ATP6V0D2: variants seen among roughly 807,000 people sequenced by gnomAD.
ATP6V0D2 encodes V-type proton ATPase subunit d 2.
A neutral mutation model predicts 40.0 loss-of-function variants in ATP6V0D2; 40 were observed. The observed-to-expected ratio is 1.00, with a 90% CI of 0.78 to 1.30. The LOEUF is 1.30. ATP6V0D2 is among the 50% of genes most tolerant of loss of function. The probability of loss-of-function intolerance (pLI) is 0.00; values close to 1 mark genes in which losing one functional copy is unlikely to be tolerated. For synonymous variants in ATP6V0D2, 179 were observed against 156.3 expected (o/e 1.15, Z -1.08); for missense variants, 470 against 423.1 (o/e 1.11, Z -0.97).
At position 86,118,030 on chromosome 8, in the gene ATP6V0D2, T is replaced by G. The variant is rs199699224; in HGVS notation, c.302+4150T>G. 3.6e-5 allele frequency among the ~76,000 whole-genome samples: 5 copies of G among 137,954 alleles called. No homozygotes were observed. The East Asian group carries it at 1.3e-3, about 35-fold the overall frequency. The allele number at this position is 137,954 out of a possible 152,430, so 90.5% of individuals were successfully genotyped here. ...TCTTTCTTTCTTTCTTTCTTTCTTT[T>G]TTTTTCTTTCTTTCTTCTTTCTTTT... On this transcript the variant is annotated intron_variant, in intron 2 of 7. Coordinates refer to ENST00000285393, the MANE Select transcript of ATP6V0D2 (RefSeq NM_152565.1).
Position 86,151,511 on chromosome 8 carries a change from A to G in ATP6V0D2, c.862A>G (p.Thr288Ala), listed in dbSNP as rs778632401. 2.5e-6 allele frequency: 4 copies of G among 1,608,574 alleles called. No individual in the cohort carries two copies. The Admixed American group carries it at 5.1e-5, about 20-fold the overall frequency. Residue 288 changes from threonine (T) to alanine (A), a missense_variant, in exon 7 of 8, where the codon ACA (threonine) becomes GCA (alanine). By Grantham distance (58) the Thr-to-Ala change is moderately conservative. Coordinates refer to ENST00000285393, the MANE Select transcript of ATP6V0D2 (RefSeq NM_152565.1). ...AGCTGTAGGTGGCAGTGGGGGAAAG[A>G]CATTGGAGGACGTGTTTTACGAGCG... ...FEAVGGSGGKTLEDVFYEREV... is the reference protein window; with the variant it reads ...FEAVGGSGGKALEDVFYEREV...
intron 1 of ATP6V0D2, among the ~76,000 whole-genome samples, chr8:86,110,136 C>T (rs1330441044): frequency 6.6e-6 from 1 of 152,022 alleles, no homozygotes; most frequent in Non-Finnish European, 1.5e-5. Context: ...ATTCCTTTGC[C>T]CAGGCTGGGG....
chr8:86,151,357 G>A, intron 6 of ATP6V0D2, 109 bp from the exon 7 acceptor site: 1 of 793,026 alleles, frequency 1.3e-6, no homozygotes. Flanking sequence ...AGTCCTCCTG[G>A]TATTTTTTTT....
chr8:86,150,384 G>T, intron 6 of ATP6V0D2, 96 bp downstream of exon 6: 1 of 1,216,324 alleles, frequency 8.2e-7, no homozygotes. Context: ...ATACTCAAAA[G>T]AAGTAATAAT....
At chr8:86,143,022 T>G in intron 5 of ATP6V0D2, 68 bp downstream of exon 5, 3 of 1,120,200 alleles carry the variant, frequency 2.7e-6, no homozygotes, top group Non-Finnish European at 3.9e-6. Context: ...GTTTTAACCT[T>G]ACTTATATTT....
chr8:86,103,386 C>T (rs1006229013), intron 1 of ATP6V0D2, among the ~76,000 whole-genome samples: 1 of 151,816 alleles, frequency 6.6e-6, no homozygotes, highest in African/African-American at 2.4e-5. Flanking sequence ...CTGCCTTGGC[C>T]TCCTAAAGTG....
At chr8:86,126,263 T>TATATATATATATATAG (rs1818744165) in intron 2 of ATP6V0D2, among the ~76,000 whole-genome samples, 1 of 138,466 alleles carries the variant, frequency 7.2e-6, no homozygotes. Context: ...TATATATATA[T>TATATATATATATATAG]CTTTTTGTAT....
Position 86,151,483 on chromosome 8 carries a change from T to C in ATP6V0D2, c.834T>C (p.Phe278=). The stretch of plus-strand genomic sequence containing the variant: ...TTTTTAAGGTATACAAACCTTTATT[T>C]GAAGCTGTAGGTGGCAGTGGGGGAA... ...ADHYGVYKPL[F]EAVGGSGGKT... Residue 278 remains phenylalanine (F), a synonymous_variant, in exon 7 of 8, where the codon TTT becomes TTC. Coordinates refer to ENST00000285393, the MANE Select transcript of ATP6V0D2 (RefSeq NM_152565.1). 1 of 1,605,684 alleles carries C rather than the reference T, an allele frequency of 6.2e-7. No individual in the cohort carries two copies. Among genetic ancestry groups the C allele is most frequent in the Non-Finnish European group, 8.5e-7 (1 of 1,176,388 alleles).
rs983480008 is a variant in ATP6V0D2 at position 86,134,407 on chromosome 8, G to A, written c.303-5050G>A. Among the ~76,000 whole-genome samples the A allele has an allele frequency of 5.3e-5, 8 of 152,184 alleles. No individual in the cohort carries two copies. In the East Asian group the frequency reaches 1.4e-3, roughly 26 times the overall value. ...GACAACAGAAAGGAGAAAAATATGG[G>A]TAAATACAATATACCCTTTCTCCTC... On this transcript the variant is annotated intron_variant, in intron 2 of 7. Coordinates refer to ENST00000285393, the MANE Select transcript of ATP6V0D2 (RefSeq NM_152565.1).
intron 2 of ATP6V0D2, among the ~76,000 whole-genome samples, chr8:86,123,949 A>G (rs192606381): frequency 1.9e-4 from 29 of 152,238 alleles, no homozygotes; most frequent in Admixed American, 1.4e-3. Flanking sequence ...ATGAACATAG[A>G]TATGTTGAGT....
intron 1 of ATP6V0D2, 71 bp downstream of exon 1, chr8:86,099,179 T>C (rs1818360293): frequency 3.4e-6 from 5 of 1,459,382 alleles, no homozygotes; most frequent in Non-Finnish European, 3.6e-6. Context: ...TCCAGAAGCA[T>C]GGAGAAAAAA....
chr8:86,125,568 A>G (rs1346259512), intron 2 of ATP6V0D2, among the ~76,000 whole-genome samples: 3 of 152,202 alleles, frequency 2.0e-5, no homozygotes, highest in Admixed American at 2.0e-4. Flanking sequence ...AGATTTTCAC[A>G]GCAACCCTAT....
chr8:86,119,479 T>G (rs1397879646), intron 2 of ATP6V0D2, among the ~76,000 whole-genome samples: 5 of 152,078 alleles, frequency 3.3e-5, no homozygotes, highest in Admixed American at 1.3e-4. Flanking sequence ...TCTACCCACC[T>G]CGGTCTCCCA....
Position 86,153,228 on chromosome 8 carries a change from T to A in ATP6V0D2, c.*251T>A, listed in dbSNP as rs1819182178. ...CTGGGCCTTACAGGTTAGTTTTAAT[T>A]AACTCTATGGTATTTTTCTTATTCT... On this transcript the variant is annotated 3_prime_UTR_variant, in exon 8 of 8. Transcript: ENST00000285393. 1 of 268,154 alleles carries A rather than the reference T, an allele frequency of 3.7e-6. No individual in the cohort carries two copies. The highest frequency in any genetic ancestry group is 1.4e-4 in the South Asian group (1 of 7,368). The allele number at this position is 268,154 out of a possible 1,614,324, so 16.6% of individuals were successfully genotyped here.
At chr8:86,105,621 CTTT>C (rs757847208) in intron 1 of ATP6V0D2, among the ~76,000 whole-genome samples, 3 of 133,308 alleles carry the variant, frequency 2.3e-5, no homozygotes, top group Non-Finnish European at 3.1e-5. Flanking sequence ...TTTTTCTTTT[CTTT>C]TTTTTTTTTT....
At chr8:86,131,960 G>A (rs1411103919) in intron 2 of ATP6V0D2, among the ~76,000 whole-genome samples, 2 of 152,150 alleles carry the variant, frequency 1.3e-5, no homozygotes, top group Non-Finnish European at 2.9e-5. Flanking sequence ...GGGTTATGGA[G>A]ACAGGAGTGA....
chr8:86,134,178 C>CCAGAAGCAAGCGGTG (rs1431788390), intron 2 of ATP6V0D2, among the ~76,000 whole-genome samples: 2 of 151,824 alleles, frequency 1.3e-5, no homozygotes, highest in Non-Finnish European at 2.9e-5. Flanking sequence ...TTTTCAAGCA[C>CCAGAAGCAAGCGGTG]TAAAGACAAG....
At chr8:86,137,391 C>T (rs1010699881) in intron 2 of ATP6V0D2, among the ~76,000 whole-genome samples, 4 of 152,120 alleles carry the variant, frequency 2.6e-5, no homozygotes, top group African/African-American at 9.7e-5. Context: ...CCTTCAAGGT[C>T]CTTAAAAGCT....
At chr8:86,104,878 C>CAT (rs1554586976) in intron 1 of ATP6V0D2, among the ~76,000 whole-genome samples, 15 of 151,626 alleles carry the variant, frequency 9.9e-5, no homozygotes, top group African/African-American at 3.4e-4. Context: ...CACACACACA[C>CAT]ATCAAGAGCT....
Sources: allele counts gnomAD v4.1 joint callset (sites outside exome capture counted in the v4.1 genomes callset), GRCh38; gene constraint gnomAD v4.1.1; transcripts MANE v1.5; gene names NCBI Gene and HGNC (gene_info 2026-07-23, HGNC 2026-07-21).